Variants in BRCA1 observed in about 807,000 individuals in gnomAD.
BRCA1 encodes the protein breast cancer type 1 susceptibility protein.
Under a neutral mutation model 173.7 loss-of-function variants are expected in BRCA1, and 140 were observed. The ratio of observed to expected loss-of-function variants is 0.81; its 90% CI spans 0.70 to 0.93. The LOEUF (loss-of-function observed/expected upper bound fraction) is 0.93, where lower values mean the gene tolerates loss of function less well. BRCA1 is among the 40% of genes least tolerant of loss of function. The pLI is 0.00. For synonymous variants in BRCA1, 662 were observed against 756.0 expected (o/e 0.88, Z 2.04); for missense variants, 1,983 against 2,172.5 (o/e 0.91, Z 1.73).
chr17:43,092,921 A>G lies in BRCA1; in HGVS notation c.2610T>C (p.Ala870=), dbSNP rs2053729923. ...TFKVSKRQSF[A]PFSNPGNAEE... is the part of the protein sequence containing the mutation. The stretch of plus-strand genomic sequence containing the variant: ...CTGCATTTCCTGGATTTGAAAACGG[A>G]GCAAATGACTGGCGCTTTGAAACCT... The change falls in exon 10 of 23, where the codon GCT becomes GCC. Residue 870 remains alanine, a synonymous_variant. Coordinates refer to ENST00000357654, the MANE Select transcript of BRCA1 (RefSeq NM_007294.4). 1 of 1,613,860 alleles carries G rather than the reference A, an allele frequency of 6.2e-7. No individual in the cohort carries two copies. Among genetic ancestry groups the G allele is most frequent in the Non-Finnish European group, 8.5e-7 (1 of 1,179,982 alleles).
intron 2 of BRCA1, among the ~76,000 whole-genome samples, chr17:43,123,134 G>T (rs8176083): frequency 6.6e-6 from 1 of 151,418 alleles, no homozygotes; most frequent in African/African-American, 2.4e-5. Flanking sequence ...TGGAGGCTGA[G>T]GTGGGAGGAT....
chr17:43,117,820 C>G (rs1323075522), intron 2 of BRCA1, among the ~76,000 whole-genome samples: 1 of 152,064 alleles, frequency 6.6e-6, no homozygotes, highest in Non-Finnish European at 1.5e-5. Context: ...TCCACAAAAC[C>G]AAGGCATTCC....
At chr17:43,084,771 G>GT (rs1315517048) in intron 11 of BRCA1, among the ~76,000 whole-genome samples, 2 of 152,088 alleles carry the variant, frequency 1.3e-5, no homozygotes, top group African/African-American at 2.4e-5. Context: ...CGTGGTACTC[G>GT]TGAGTAGTTA....
chr17:43,057,352 A>C (rs2153417377), intron 18 of BRCA1, among the ~76,000 whole-genome samples: 1 of 152,154 alleles, frequency 6.6e-6, no homozygotes, highest in South Asian at 2.1e-4. Context: ...TCTACTAAAA[A>C]TACAAAAAAT....
intron 1 of BRCA1, among the ~76,000 whole-genome samples, chr17:43,135,370 T>A (rs1042923538): frequency 1.1e-4 from 16 of 152,368 alleles, no homozygotes; most frequent in African/African-American, 3.8e-4. Context: ...GATGGTTGAT[T>A]AGGACGCGTT....
chr17:43,115,431 G>A (rs1385214697), intron 3 of BRCA1, among the ~76,000 whole-genome samples: 1 of 151,952 alleles, frequency 6.6e-6, no homozygotes, highest in African/African-American at 2.4e-5. Context: ...GAACTCGGGG[G>A]GCGGAGGTTG....
intron 13 of BRCA1, among the ~76,000 whole-genome samples, chr17:43,074,963 GAAAGA>G (rs747889878): frequency 1.4e-5 from 2 of 140,976 alleles, no homozygotes; most frequent in African/African-American, 5.3e-5. Context: ...GGAAAGGAAA[GAAAGA>G]AAAGAAAAGG....
chr17:43,059,928 C>T (rs1257289023), intron 18 of BRCA1, among the ~76,000 whole-genome samples: 1 of 152,044 alleles, frequency 6.6e-6, no homozygotes, highest in Non-Finnish European at 1.5e-5. Context: ...ATTTTTGAGA[C>T]GGAGTCTTGC....
rs754256578 is a variant in BRCA1, at chr17:43,067,645, T to C, written c.5037A>G (p.Leu1679=). ...ARKHHITLTN[L]ITEETTHVVM... ...CAACATGAGTAGTCTCTTCAGTAAT[T>C]AGATTAGTTAAAGTGATGTGGTGTT... The change falls in exon 16 of 23, where the codon CTA becomes CTG. Residue 1679 remains leucine, a synonymous_variant. Transcript: ENST00000357654. 3.7e-6 allele frequency: 6 copies of C among 1,613,390 alleles called. No individual in the cohort carries two copies. The highest frequency in any genetic ancestry group is 3.4e-6 in the Non-Finnish European group (4 of 1,179,394).
At chr17:43,091,269 G>T in intron 10 of BRCA1, 166 bp downstream of exon 10, 2 of 970,372 alleles carry the variant, frequency 2.1e-6, no homozygotes, top group South Asian at 1.4e-5. Flanking sequence ...GCTGTGTGAA[G>T]GACTTTTTTC....
rs182922354 is a variant in BRCA1, at chr17:43,154,267, C to T, written c.-20+15859G>A. ...TCGGGAGGCCAAGGCCGGCAGATCACGAGGTCAGGATTTCGAGACCAGCCT... is the reference window on the plus strand; with the variant it reads ...TCGGGAGGCCAAGGCCGGCAGATCATGAGGTCAGGATTTCGAGACCAGCCT... On this transcript the variant is annotated intron_variant, in intron 1 of 7. Transcript: ENST00000634433. 6.5e-4 allele frequency among the ~76,000 whole-genome samples: 99 copies of T among 151,950 alleles called. 1 individual carries two copies. The highest frequency in any genetic ancestry group is 2.1e-3 in the African/African-American group (86 of 41,418).
chr17:43,070,841 GTTA>G, intron 15 of BRCA1, 84 bp downstream of exon 15: 3 of 1,438,752 alleles, frequency 2.1e-6, no homozygotes, highest in Non-Finnish European at 2.9e-6. Flanking sequence ...CTTCCTCTAG[GTTA>G]TTAATTGACA....
Position 43,071,020 on chromosome 17 carries a change from C to T in BRCA1, c.4894G>A (p.Val1632Met), listed in dbSNP as rs770193975. The change falls in exon 15 of 23, where the codon GTG becomes ATG. Residue 1632 changes from valine to methionine, a missense_variant. Coordinates refer to ENST00000357654, the MANE Select transcript of BRCA1 (RefSeq NM_007294.4). ...TAGYNAMEES[V>M]SREKPELTAS... ...GTCAATTCTGGCTTCTCCCTGCTCA[C>T]ACTTTCTTCCATTGCATTATACCCA... 1.9e-6 allele frequency: 3 copies of T among 1,614,134 alleles called. No homozygotes were observed. Among genetic ancestry groups the T allele is most frequent in the Non-Finnish European group, 2.5e-6 (3 of 1,180,056 alleles).
chr17:43,137,395 G>C (rs2056035190), intron 1 of BRCA1, among the ~76,000 whole-genome samples: 1 of 151,172 alleles, frequency 6.6e-6, no homozygotes, highest in Non-Finnish European at 1.5e-5. Flanking sequence ...CCTGCACGTT[G>C]TGCACATGTA....
Position 43,071,132 on chromosome 17 carries a change from T to C in BRCA1, c.4782A>G (p.Pro1594=), listed in dbSNP as rs876659455. 1 of 1,614,204 alleles carries C rather than the reference T, an allele frequency of 6.2e-7. No individual in the cohort carries two copies. Among genetic ancestry groups the C allele is most frequent in the Admixed American group, 1.7e-5 (1 of 60,022 alleles). ...GAACTTTCAATGCAGAGGTTGAAGA[T>C]GGTATGTTGCCAACACGAGCTGACT... is the stretch of plus-strand genomic sequence containing the variant. The part of the protein sequence containing the change: ...APESARVGNI[P]SSTSALKVPQ... Residue 1594 remains proline (P), a synonymous_variant, in exon 15 of 23, where the codon CCA becomes CCG. Transcript: ENST00000357654.
chr17:43,077,946 G>A (rs560477491), intron 12 of BRCA1, among the ~76,000 whole-genome samples: 3 of 151,780 alleles, frequency 2.0e-5, no homozygotes, highest in South Asian at 4.2e-4. Context: ...TGTTGGTCAC[G>A]CTGGTCTCGA....
intron 3 of BRCA1, among the ~76,000 whole-genome samples, chr17:43,109,383 G>A (rs1045243708): frequency 1.8e-4 from 28 of 152,140 alleles, no homozygotes; most frequent in African/African-American, 6.8e-4. Flanking sequence ...GAATTGGATT[G>A]TAGCAAAGCC....
In BRCA1 at chr17:43,092,711, A is replaced by G. The variant is rs1414992991; in HGVS notation, c.2820T>C (p.Asp940=). 1 of 1,614,048 alleles carries G rather than the reference A, an allele frequency of 6.2e-7. No individual in the cohort carries two copies. Among genetic ancestry groups the G allele is most frequent in the Admixed American group, 1.7e-5 (1 of 59,996 alleles). ...PVVGQKDKPV[D]NAKCSIKGGS... is the part of the protein sequence containing the mutation. ...CTCCTTTGATACTACATTTGGCATTATCAACTGGCTTATCTTTCTGACCAA... is the reference window on the plus strand; with the variant it reads ...CTCCTTTGATACTACATTTGGCATTGTCAACTGGCTTATCTTTCTGACCAA... The change falls in exon 10 of 23, where the codon GAT becomes GAC. Residue 940 remains aspartate (D), a synonymous_variant. Transcript: ENST00000357654.
chr17:43,115,299 C>T (rs897272720), intron 3 of BRCA1, among the ~76,000 whole-genome samples: 3 of 152,076 alleles, frequency 2.0e-5, no homozygotes, highest in South Asian at 4.1e-4. Flanking sequence ...GTCAGGAGTT[C>T]GAGACCAGCC....
Sources: gnomAD v4.1 joint callset for allele counts (sites outside exome capture counted in the v4.1 genomes callset) on GRCh38, gnomAD v4.1.1 for gene constraint, MANE v1.5 for transcripts, NCBI Gene and HGNC (gene_info 2026-07-23, HGNC 2026-07-21) for gene names.